The following SCAPER variants were observed in gnomAD, a reference collection of about 807,000 sequenced individuals.
SCAPER encodes S phase cyclin A-associated protein in the endoplasmic reticulum.
Under a neutral mutation model 182.2 loss-of-function variants are expected in SCAPER, and 98 were observed. The ratio of observed to expected loss-of-function variants is 0.54; its 90% confidence interval spans 0.46 to 0.64. The LOEUF (loss-of-function observed/expected upper bound fraction) is 0.64, where lower values mean the gene tolerates loss of function less well. Ranked by LOEUF, SCAPER falls within the 30% of genes least tolerant of loss-of-function variation. The probability of loss-of-function intolerance (pLI) is 0.00; values close to 1 mark genes in which losing one functional copy is unlikely to be tolerated. For synonymous variants in SCAPER, 605 were observed against 564.6 expected (o/e 1.07, Z -1.01); for missense variants, 1,432 against 1,690.0 (o/e 0.85, Z 2.68).
chr15:76,816,527 T>G (rs983020379), intron 5 of SCAPER, among the ~76,000 whole-genome samples: 2 of 152,206 alleles, frequency 1.3e-5, no homozygotes, highest in African/African-American at 4.8e-5. Flanking sequence ...TGACAATGCT[T>G]TATCCTGGAA....
chr15:76,398,515 C>T (rs745684254), intron 27 of SCAPER, among the ~76,000 whole-genome samples: 3 of 152,152 alleles, frequency 2.0e-5, no homozygotes, highest in Non-Finnish European at 2.9e-5. Flanking sequence ...AATAGGCAGG[C>T]GGGCAGAGTT....
chr15:76,364,119 C>A (rs568331447), intron 29 of SCAPER, among the ~76,000 whole-genome samples: 1 of 152,226 alleles, frequency 6.6e-6, no homozygotes, highest in Non-Finnish European at 1.5e-5. Context: ...TATGCATATA[C>A]ATGATCAAGT....
In SCAPER at chr15:76,681,953, G is replaced by T. The variant is rs114561939; in HGVS notation, c.2509-16164C>A. Among the ~76,000 whole-genome samples the T allele has an allele frequency of 2.6e-3, 397 of 152,232 alleles. 2 individuals are homozygous for T. Among genetic ancestry groups the T allele is most frequent in the African/African-American group, 9.2e-3 (381 of 41,526 alleles). On this transcript the variant is annotated intron_variant, in intron 20 of 31. Transcript: ENST00000563290. ...TGTCAGACCTGGACAGGGCAAAGTG[G>T]TCTTGCCCATGAGACACAGGCAGTC...
At chr15:76,555,452 A>T (rs945586024) in intron 23 of SCAPER, among the ~76,000 whole-genome samples, 1 of 152,202 alleles carries the variant, frequency 6.6e-6, no homozygotes, top group Non-Finnish European at 1.5e-5. Flanking sequence ...TTGGATAAAG[A>T]AGCATGACCC....
chr15:76,611,886 T>C (rs1475737655), intron 22 of SCAPER, among the ~76,000 whole-genome samples: 1 of 152,180 alleles, frequency 6.6e-6, no homozygotes, highest in Non-Finnish European at 1.5e-5. Flanking sequence ...TTTGATAAAA[T>C]TTAACATCCA....
intron 29 of SCAPER, among the ~76,000 whole-genome samples, chr15:76,372,864 G>A (rs1053712340): frequency 2.6e-5 from 4 of 152,094 alleles, no homozygotes; most frequent in Non-Finnish European, 5.9e-5. Context: ...AAAGCAGGAC[G>A]CAAGCATTTG....
Position 76,829,006 on chromosome 15 carries a change from T to C in SCAPER, c.393+12728A>G, listed in dbSNP as rs78208935. On this transcript the variant is annotated intron_variant, in intron 5 of 31. Transcript: ENST00000563290. ...GTATGATAAGGACACATCATGCACA[T>C]GCATGTTTATAGCAGCACAATTCAC... Among the ~76,000 whole-genome samples, 1,234 of 152,294 alleles carry C rather than the reference T, an allele frequency of 8.1e-3. 13 individuals are homozygous for C. The highest frequency in any genetic ancestry group is 0.028 in the African/African-American group (1,170 of 41,560).
At chr15:76,464,274 T>A (rs2049421806) in intron 25 of SCAPER, among the ~76,000 whole-genome samples, 1 of 152,152 alleles carries the variant, frequency 6.6e-6, no homozygotes, top group Non-Finnish European at 1.5e-5. Flanking sequence ...TTTCTGTTTT[T>A]GTAATTGGCT....
chr15:76,526,111 A>G (rs946703870), intron 23 of SCAPER, among the ~76,000 whole-genome samples: 2 of 152,088 alleles, frequency 1.3e-5, no homozygotes, highest in Non-Finnish European at 2.9e-5. Context: ...CATCATTTTT[A>G]TATATCCTAT....
chr15:76,820,383 TATACA>T (rs2067439863), intron 5 of SCAPER, among the ~76,000 whole-genome samples: 1 of 152,006 alleles, frequency 6.6e-6, no homozygotes, highest in Non-Finnish European at 1.5e-5. Flanking sequence ...ATGTGGCACA[TATACA>T]CCATGGAATA....
chr15:76,544,874 T>C (rs1245551615), intron 23 of SCAPER, among the ~76,000 whole-genome samples: 4 of 152,320 alleles, frequency 2.6e-5, no homozygotes, highest in African/African-American at 9.6e-5. Context: ...AAACACTCAA[T>C]GGTTTTGGTA....
intron 1 of SCAPER, among the ~76,000 whole-genome samples, chr15:76,898,669 A>C (rs1379885973): frequency 2.0e-5 from 3 of 152,268 alleles, no homozygotes; most frequent in African/African-American, 7.2e-5. Flanking sequence ...AATTCCATTT[A>C]TGTGAAATGT....
At chr15:76,569,095 A>G (rs2145282864) in intron 23 of SCAPER, among the ~76,000 whole-genome samples, 1 of 152,208 alleles carries the variant, frequency 6.6e-6, no homozygotes, top group Admixed American at 6.5e-5. Context: ...CATTTTAAGC[A>G]GACGTCTTGA....
At chr15:76,436,844 C>A (rs183375112) in intron 25 of SCAPER, among the ~76,000 whole-genome samples, 18 of 152,294 alleles carry the variant, frequency 1.2e-4, no homozygotes, top group Admixed American at 9.8e-4. Flanking sequence ...GTTGAGACCA[C>A]ACTTTTCTGC....
intron 20 of SCAPER, among the ~76,000 whole-genome samples, chr15:76,677,601 C>G (rs1053996629): frequency 1.6e-4 from 24 of 151,650 alleles, no homozygotes; most frequent in African/African-American, 5.8e-4. Context: ...TTAAGTCACA[C>G]TGTAAAATTT....
intron 22 of SCAPER, among the ~76,000 whole-genome samples, chr15:76,582,837 T>C (rs1183509290): frequency 6.6e-6 from 1 of 152,154 alleles, no homozygotes; most frequent in Non-Finnish European, 1.5e-5. Context: ...TCACCAAGAA[T>C]ATACATTGAG....
chr15:76,575,995 T>C (rs2047792027), intron 22 of SCAPER, among the ~76,000 whole-genome samples: 1 of 152,234 alleles, frequency 6.6e-6, no homozygotes, highest in Admixed American at 6.5e-5. Flanking sequence ...CATGCTACTT[T>C]TACATAAGTA....
intron 23 of SCAPER, among the ~76,000 whole-genome samples, chr15:76,521,060 A>G (rs1408863491): frequency 1.3e-5 from 2 of 152,240 alleles, no homozygotes; most frequent in African/African-American, 4.8e-5. Flanking sequence ...GAAAAGGGTC[A>G]TTATTCAAGT....
At chr15:76,425,261 C>G (rs369546304) in intron 26 of SCAPER, among the ~76,000 whole-genome samples, 1 of 152,168 alleles carries the variant, frequency 6.6e-6, no homozygotes, top group South Asian at 2.1e-4. Flanking sequence ...ACCAATCAGA[C>G]GCAGATTTGG....
Sources: gnomAD v4.1 joint callset for allele counts (sites outside exome capture counted in the v4.1 genomes callset) on GRCh38, gnomAD v4.1.1 for gene constraint, MANE v1.5 for transcripts, NCBI Gene and HGNC (gene_info 2026-07-23, HGNC 2026-07-21) for gene names.